The following SRGAP3 variants were observed in gnomAD, a reference collection of about 807,000 sequenced individuals.
The protein encoded by SRGAP3 is SLIT-ROBO Rho GTPase-activating protein 3.
In SRGAP3, 39 loss-of-function variants were observed where a neutral mutation model predicts 121.1. The ratio of observed to expected loss-of-function variants is 0.32; its 90% CI spans 0.25 to 0.42. SRGAP3 has a LOEUF of 0.42. Among genes scored for constraint, SRGAP3 ranks in the 10% least tolerant of loss-of-function variants. The probability of loss-of-function intolerance (pLI) is 1.00; values close to 1 mark genes in which losing one functional copy is unlikely to be tolerated. For missense variants in SRGAP3, 1,213 were observed against 1,470.6 expected (o/e 0.82, Z 2.86); for synonymous variants, 601 against 570.0 (o/e 1.05, Z -0.77).
intron 1 of SRGAP3, among the ~76,000 whole-genome samples, chr3:9,136,463 G>C (rs1442337968): frequency 1.4e-5 from 2 of 140,798 alleles, no homozygotes; most frequent in African/African-American, 2.7e-5. Flanking sequence ...GGCTGAAAGC[G>C]GGCTCCTAAG....
At chr3:8,986,331 T>A (rs1574847317) in intron 21 of SRGAP3, among the ~76,000 whole-genome samples, 1 of 152,280 alleles carries the variant, frequency 6.6e-6, no homozygotes, top group Middle Eastern at 3.4e-3. Context: ...ATGAGTGCAT[T>A]AAATGATACA....
chr3:9,049,449 G>T (rs1412682956), intron 9 of SRGAP3: 1 of 455,950 alleles, frequency 2.2e-6, no homozygotes, highest in African/African-American at 2.0e-5. Context: ...GGCAAATGGG[G>T]AAAACATCAT....
chr3:9,065,949 A>T (rs922774979), intron 4 of SRGAP3, among the ~76,000 whole-genome samples: 1 of 152,130 alleles, frequency 6.6e-6, no homozygotes, highest in Non-Finnish European at 1.5e-5. Context: ...CTACCAGATC[A>T]TCCTAGATTG....
intron 1 of SRGAP3, among the ~76,000 whole-genome samples, chr3:9,152,917 A>G (rs1174848607): frequency 6.6e-6 from 1 of 152,212 alleles, no homozygotes; most frequent in Non-Finnish European, 1.5e-5. Context: ...CCGTGGAGTC[A>G]GCTGAGGCCT....
At chr3:9,184,018 A>G (rs1440052960) in intron 1 of SRGAP3, among the ~76,000 whole-genome samples, 1 of 152,098 alleles carries the variant, frequency 6.6e-6, no homozygotes. Flanking sequence ...CTTTGTTGCT[A>G]GGCAGAATGC....
rs995894010 is a variant in SRGAP3, at chr3:9,084,643, G to C, written c.424-4556C>G. Among the ~76,000 whole-genome samples, 79 of 152,068 alleles carry C rather than the reference G, an allele frequency of 5.2e-4. 2 individuals are homozygous for C. Among genetic ancestry groups the C allele is most frequent in the Non-Finnish European group, 1.5e-5 (1 of 68,026 alleles). ...TACTTGCAGCCAAAAGCATCCTAAG[G>C]GATTCAGTCCTATTTTCCACTACCA... is the stretch of plus-strand genomic sequence containing the variant. On this transcript the variant is annotated intron_variant, in intron 3 of 21. Coordinates refer to ENST00000383836, the MANE Select transcript of SRGAP3 (RefSeq NM_014850.4).
intron 2 of SRGAP3, among the ~76,000 whole-genome samples, chr3:9,122,009 G>C (rs1309249210): frequency 6.6e-6 from 1 of 152,182 alleles, no homozygotes; most frequent in Non-Finnish European, 1.5e-5. Context: ...GCAGAGAAGA[G>C]ACAAAGGTTC....
At chr3:9,014,716 C>T (rs1943545297) in intron 15 of SRGAP3, 1 of 152,134 alleles carries the variant, frequency 6.6e-6, no homozygotes, top group Non-Finnish European at 1.5e-5. Flanking sequence ...CTTTTACACA[C>T]ACAATAAAAA....
At chr3:9,088,283 C>T (rs1947585372) in intron 3 of SRGAP3, among the ~76,000 whole-genome samples, 1 of 152,106 alleles carries the variant, frequency 6.6e-6, no homozygotes, top group African/African-American at 2.4e-5. Context: ...TGACATGGGG[C>T]CAAGGAGGGC....
intron 18 of SRGAP3, among the ~76,000 whole-genome samples, chr3:9,001,242 T>C (rs1451409777): frequency 6.6e-6 from 1 of 152,218 alleles, no homozygotes; most frequent in Non-Finnish European, 1.5e-5. Flanking sequence ...AGATGTTGAA[T>C]GTTCACACCA....
intron 1 of SRGAP3, among the ~76,000 whole-genome samples, chr3:9,148,933 A>G (rs1158000396): frequency 6.6e-6 from 1 of 152,178 alleles, no homozygotes; most frequent in Non-Finnish European, 1.5e-5. Context: ...ATGAAACTGG[A>G]GACTGGGTAT....
chr3:9,280,983 A>G (rs1425939891), intron 3 of SRGAP3, among the ~76,000 whole-genome samples: 1 of 151,334 alleles, frequency 6.6e-6, no homozygotes, highest in Non-Finnish European at 1.5e-5. Flanking sequence ...GGGTGGTGGG[A>G]GTCTTCCAGC....
rs1241704840 is a variant in SRGAP3 at position 9,187,022 on chromosome 3, T to C, written c.67+61863A>G. 4.6e-5 allele frequency among the ~76,000 whole-genome samples: 7 copies of C among 152,150 alleles called. No homozygotes were observed. In the South Asian group the frequency reaches 1.2e-3, roughly 27 times the overall value. On this transcript the variant is annotated intron_variant, in intron 1 of 21. Transcript: ENST00000383836. ...CACATGTGCAGAACATGCAGGTTTG[T>C]TACATAGGTATACACGTGCCATGAT...
intron 1 of SRGAP3, among the ~76,000 whole-genome samples, chr3:9,356,795 A>C (rs1278402315): frequency 6.6e-6 from 1 of 152,084 alleles, no homozygotes; most frequent in Non-Finnish European, 1.5e-5. Context: ...GCCATGAGCC[A>C]CTGTGCCCAG....
intron 5 of SRGAP3, among the ~76,000 whole-genome samples, chr3:9,063,124 C>CTTTTTT (rs766958753): frequency 3.8e-5 from 3 of 79,982 alleles, no homozygotes; most frequent in African/African-American, 1.0e-4. Flanking sequence ...TAGAGACAAT[C>CTTTTTT]TTTTTTTTTT....
intron 3 of SRGAP3, among the ~76,000 whole-genome samples, chr3:9,311,760 T>C (rs1955251721): frequency 6.6e-6 from 1 of 152,186 alleles, no homozygotes; most frequent in Non-Finnish European, 1.5e-5. Context: ...TGTCTTCCTC[T>C]GCTATAAAGG....
At chr3:9,011,653 T>C (rs1943383274) in intron 17 of SRGAP3, among the ~76,000 whole-genome samples, 1 of 152,082 alleles carries the variant, frequency 6.6e-6, no homozygotes, top group Non-Finnish European at 1.5e-5. Context: ...GAGCCATTTG[T>C]TTCCTGTTCC....
intron 3 of SRGAP3, among the ~76,000 whole-genome samples, chr3:9,280,976 T>C (rs2600191): frequency 4.0e-5 from 6 of 151,378 alleles, no homozygotes; most frequent in Admixed American, 1.3e-4. Flanking sequence ...TTGTTGGGGG[T>C]GGTGGGAGTC....
chr3:8,992,555 A>T, intron 20 of SRGAP3: 1 of 423,648 alleles, frequency 2.4e-6, no homozygotes, highest in East Asian at 4.0e-5. Flanking sequence ...AAATATAACA[A>T]CTCAGTTCTA....
Sources: allele counts gnomAD v4.1 joint callset (sites outside exome capture counted in the v4.1 genomes callset), GRCh38; gene constraint gnomAD v4.1.1; transcripts MANE v1.5; gene names NCBI Gene and HGNC (gene_info 2026-07-23, HGNC 2026-07-21).